The following CNOT3 variants were observed in gnomAD, a reference collection of about 807,000 sequenced individuals.
CNOT3 encodes CCR4-NOT transcription complex subunit 3, also known as CCR4-associated factor 3.
Under a neutral mutation model 89.4 loss-of-function variants are expected in CNOT3, and 2 were observed. That is an observed-to-expected ratio of 0.02 (90% CI 0.01 to 0.07). The LOEUF (loss-of-function observed/expected upper bound fraction) is 0.07. Among genes scored for constraint, CNOT3 ranks in the 10% least tolerant of loss-of-function variants. The probability of loss-of-function intolerance (pLI) is 1.00; values close to 1 mark genes in which losing one functional copy is unlikely to be tolerated. For synonymous variants in CNOT3, 486 were observed against 402.0 expected (o/e 1.21, Z -2.50); for missense variants, 664 against 1,010.2 (o/e 0.66, Z 4.65).
intron 1 of CNOT3, among the ~76,000 whole-genome samples, chr19:54,138,448 G>T (rs73613017): frequency 3.3e-5 from 5 of 152,136 alleles, no homozygotes; most frequent in Non-Finnish European, 5.9e-5. Flanking sequence ...CCTCGGCCTC[G>T]GTCCTTCGCG....
At position 54,144,080 on chromosome 19, in the gene CNOT3, C is replaced by G; in HGVS notation, c.333C>G (p.Ala111=). The G allele has an allele frequency of 6.2e-7, 1 of 1,603,788 alleles. No homozygotes were observed. The highest frequency in any genetic ancestry group is 8.5e-7 in the Non-Finnish European group (1 of 1,177,002). The change falls in exon 6 of 18, where the codon GCC becomes GCG. Residue 111 remains alanine (A), a synonymous_variant. Transcript: ENST00000221232. The surrounding 1 kb of genome is among the most constrained non-coding windows in gnomAD (Gnocchi z 4.8). ...KAYSKEGLGL[A]QKVDPAQKEK... ...ACAGCAAAGAGGGCCTGGGCCTGGCCCAGAAGGTAGATCCTGCCCAGAAGG... is the reference window on the plus strand; with the variant it reads ...ACAGCAAAGAGGGCCTGGGCCTGGCGCAGAAGGTAGATCCTGCCCAGAAGG...
In CNOT3 at chr19:54,146,623, A is replaced by G. The variant is rs370365731; in HGVS notation, c.860A>G (p.Lys287Arg). ...CAGGAAAACTCTGAAGATGATAAGA[A>G]GAGGGGACGTTCCACAGACAGTGAA... ...CTTENSEDDK[K>R]RGRSTDSEVS... The change falls in exon 10 of 18, where the codon AAG (lysine) becomes AGG (arginine). Residue 287 changes from lysine to arginine, a missense_variant. Physicochemically the swap from Lys to Arg is conservative, Grantham distance 26 (BLOSUM62 2). Coordinates refer to ENST00000221232, the MANE Select transcript of CNOT3 (RefSeq NM_014516.4). 8 of 1,565,948 alleles carry G rather than the reference A, an allele frequency of 5.1e-6. No individual in the cohort carries two copies. The highest frequency in any genetic ancestry group is 1.4e-5 in the African/African-American group (1 of 73,850).
chr19:54,148,855 G>T lies in CNOT3; in HGVS notation c.1406+112G>T. On this transcript the variant is annotated intron_variant, in intron 12 of 17. Transcript: ENST00000221232. This position sits in a 1 kb window ranked among gnomAD's most constrained non-coding sequence, Gnocchi z 6.3. Reference sequence around the variant, plus strand: ...CTGAACCCCCCGCCCTTGCTGCTGGGAATGGCCAAGCGCTATCCTCCATCT... The same window carrying T: ...CTGAACCCCCCGCCCTTGCTGCTGGTAATGGCCAAGCGCTATCCTCCATCT... The T allele has an allele frequency of 1.1e-6, 1 of 910,198 alleles. No individual in the cohort carries two copies. The allele number at this position is 910,198 out of a possible 1,614,324, so 56.4% of individuals were successfully genotyped here.
intron 16 of CNOT3, chr19:54,153,222 T>C: frequency 1.3e-6 from 1 of 763,734 alleles, no homozygotes; most frequent in Non-Finnish European, 2.4e-6. Flanking sequence ...GCGAGGCTGG[T>C]CCACTGAGGC....
intron 1 of CNOT3, among the ~76,000 whole-genome samples, chr19:54,139,608 C>T (rs112565890): frequency 1.4e-3 from 209 of 152,236 alleles, no homozygotes; most frequent in Middle Eastern, 0.014. Flanking sequence ...GAGGTGTCCA[C>T]GCCTCTGCAT....
At chr19:54,138,336 A>T (rs2074303493) in intron 1 of CNOT3, among the ~76,000 whole-genome samples, 1 of 151,936 alleles carries the variant, frequency 6.6e-6, no homozygotes, top group African/African-American at 2.4e-5. Flanking sequence ...CCCGGGCGCG[A>T]GGTGCCCGCC....
Position 54,153,762 on chromosome 19 carries a change from A to G in CNOT3, c.2085A>G (p.Ser695=). The change falls in exon 17 of 18, where the codon TCA becomes TCG. Residue 695 remains serine (S), a synonymous_variant. Coordinates refer to ENST00000221232, the MANE Select transcript of CNOT3 (RefSeq NM_014516.4). ...CAGCCAAGGCCCTAAAGAAGCAGTC[A>G]TGGCGATTCCACACCAAGTACATGA... ...YLAAKALKKQ[S]WRFHTKYMMW... 1 of 1,614,068 alleles carries G rather than the reference A, an allele frequency of 6.2e-7. No homozygotes were observed. The highest frequency in any genetic ancestry group is 8.5e-7 in the Non-Finnish European group (1 of 1,179,930).
At position 54,148,807 on chromosome 19, in the gene CNOT3, C is replaced by T. The variant is rs2074858898; in HGVS notation, c.1406+64C>T. 6.5e-7 allele frequency: 1 copy of T among 1,546,674 alleles called. No individual in the cohort carries two copies. The highest frequency in any genetic ancestry group is 1.2e-5 in the South Asian group (1 of 83,244). On this transcript the variant is annotated intron_variant, in intron 12 of 17. Coordinates refer to ENST00000221232, the MANE Select transcript of CNOT3 (RefSeq NM_014516.4). This position sits in a 1 kb window ranked among gnomAD's most constrained non-coding sequence, Gnocchi z 6.3. ...CTTTTGAAACAGAGAGGCGCAGGCG[C>T]CTCACCCCCGCATCGGTGGGTTCTG...
chr19:54,143,433 A>C lies in CNOT3; in HGVS notation c.94-9A>C. The stretch of plus-strand genomic sequence containing the variant: ...CCACACTGACTTCTCAATTCTCTCC[A>C]TCCCTCAGCTCCACAATGCAGCCAA... On this transcript the variant is annotated splice_polypyrimidine_tract_variant and intron_variant, in intron 3 of 17. Transcript: ENST00000221232. 1.2e-6 allele frequency: 2 copies of C among 1,613,862 alleles called. No homozygotes were observed. The highest frequency in any genetic ancestry group is 1.7e-6 in the Non-Finnish European group (2 of 1,179,864).
In CNOT3 at chr19:54,155,662, GAATA is replaced by G; in HGVS notation, c.*260_*263del. ...TATTTTCATTTTGGAAAATATTTATGAATAAATAGTTTTATATGACGGCTGGCAG... is the reference window on the plus strand; with the variant it reads ...TATTTTCATTTTGGAAAATATTTATGAATAGTTTTATATGACGGCTGGCAG... On this transcript the variant is annotated 3_prime_UTR_variant, in exon 18 of 18. Coordinates refer to ENST00000221232, the MANE Select transcript of CNOT3 (RefSeq NM_014516.4). 7.1e-7 allele frequency: 1 copy of G among 1,410,726 alleles called. No individual in the cohort carries two copies. Among genetic ancestry groups the G allele is most frequent in the Non-Finnish European group, 9.7e-7 (1 of 1,035,306 alleles). The allele number at this position is 1,410,726 out of a possible 1,614,324, so 87.4% of individuals were successfully genotyped here.
Position 54,145,929 on chromosome 19 carries a change from C to T in CNOT3, c.723C>T (p.Thr241=). Residue 241 remains threonine, a synonymous_variant, in exon 9 of 18, where the codon ACC becomes ACT. Coordinates refer to ENST00000221232, the MANE Select transcript of CNOT3 (RefSeq NM_014516.4). The surrounding 1 kb of genome is among the most constrained non-coding windows in gnomAD (Gnocchi z 5.9). Reference sequence around the variant, plus strand: ...CCACAGCACAGGCGCTGGTCGCCACCTCCCCCCCCAGCCACAGCCACATGG... The same window carrying T: ...CCACAGCACAGGCGCTGGTCGCCACTTCCCCCCCCAGCCACAGCCACATGG... The part of the protein sequence containing the change: ...LEDIPQALVA[T]SPPSHSHMED... 1 of 1,613,708 alleles carries T rather than the reference C, an allele frequency of 6.2e-7. No individual in the cohort carries two copies. The highest frequency in any genetic ancestry group is 8.5e-7 in the Non-Finnish European group (1 of 1,179,930).
At chr19:54,146,679 G>C in intron 10 of CNOT3, 22 bp downstream of exon 10, 1 of 1,379,100 alleles carries the variant, frequency 7.3e-7, no homozygotes. Context: ...CCTGGACCGG[G>C]TGGGCACGCC....
Position 54,144,224 on chromosome 19 carries a change from C to G in CNOT3, c.388-13C>G, listed in dbSNP as rs757433086. The stretch of plus-strand genomic sequence containing the variant: ...CCTAGCTGATGGGCTTCCTCTTCCT[C>G]TCCCTCCCCTAGAATACCATCGACA... On this transcript the variant is annotated splice_polypyrimidine_tract_variant and intron_variant, in intron 6 of 17. Transcript: ENST00000221232. The surrounding 1 kb of genome is among the most constrained non-coding windows in gnomAD (Gnocchi z 4.8). The G allele has an allele frequency of 1.2e-6, 2 of 1,613,630 alleles. No homozygotes were observed. The highest frequency in any genetic ancestry group is 2.2e-5 in the South Asian group (2 of 91,090).
At chr19:54,153,323 T>A (rs1324161041) in intron 16 of CNOT3, 1 of 761,116 alleles carries the variant, frequency 1.3e-6, no homozygotes, top group Non-Finnish European at 2.4e-6. Context: ...CCGACCCCAC[T>A]CTGCTCATTG....
intron 16 of CNOT3, chr19:54,153,388 A>C: frequency 1.3e-6 from 1 of 762,416 alleles, no homozygotes; most frequent in Admixed American, 1.7e-5. Flanking sequence ...CCCCCTCCCA[A>C]CCCCAGTGAG....
At position 54,152,503 on chromosome 19, in the gene CNOT3, C is replaced by T. The variant is rs2075175945; in HGVS notation, c.1781C>T (p.Pro594Leu). The T allele has an allele frequency of 2.5e-6, 4 of 1,614,202 alleles. No individual in the cohort carries two copies. The highest frequency in any genetic ancestry group is 3.4e-6 in the Non-Finnish European group (4 of 1,180,038). ...PPLQLSEVNI[P>L]LSLGVCPLGP... is the part of the protein sequence containing the mutation. ...CTGCAGCTGTCAGAGGTGAACATAC[C>T]GCTGTCGCTGGGTGTCTGTCCACTG... Residue 594 changes from proline (P) to leucine (L), a missense_variant, in exon 15 of 18, where the codon CCG becomes CTG. Transcript: ENST00000221232.
At chr19:54,151,620 G>A (rs1394195973) in intron 13 of CNOT3, among the ~76,000 whole-genome samples, 3 of 152,194 alleles carry the variant, frequency 2.0e-5, no homozygotes, top group Non-Finnish European at 2.9e-5. Flanking sequence ...GAGGAGATGG[G>A]AGGAACCAGC....
At position 54,144,350 on chromosome 19, in the gene CNOT3, G is replaced by A. The variant is rs36632; in HGVS notation, c.483+18G>A. 6.9e-6 allele frequency: 11 copies of A among 1,587,936 alleles called. No homozygotes were observed. The highest frequency in any genetic ancestry group is 5.4e-5 in the African/African-American group (4 of 74,344). ...ACAAGGATGTGAGTGAGGGAGACCC[G>A]ACACCTTTGGGATGGGGATGGGCAT... On this transcript the variant is annotated intron_variant, in intron 7 of 17. Coordinates refer to ENST00000221232, the MANE Select transcript of CNOT3 (RefSeq NM_014516.4). This position sits in a 1 kb window ranked among gnomAD's most constrained non-coding sequence, Gnocchi z 4.8.
In CNOT3 at chr19:54,151,086, C is replaced by T. The variant is rs960826305; in HGVS notation, c.1606-1140C>T. 3.5e-4 allele frequency among the ~76,000 whole-genome samples: 53 copies of T among 152,270 alleles called. No individual in the cohort carries two copies. The Middle Eastern group carries it at 0.014, about 39-fold the overall frequency. Reference sequence around the variant, plus strand: ...GATTACAGGTGTGAGCCACCGTGCCCGGCCCAAATTTTAGAAGTAGGTGGA... The same window carrying T: ...GATTACAGGTGTGAGCCACCGTGCCTGGCCCAAATTTTAGAAGTAGGTGGA... On this transcript the variant is annotated intron_variant, in intron 13 of 17. Coordinates refer to ENST00000221232, the MANE Select transcript of CNOT3 (RefSeq NM_014516.4).
Sources: allele counts gnomAD v4.1 joint callset (sites outside exome capture counted in the v4.1 genomes callset), GRCh38; gene constraint gnomAD v4.1.1; non-coding constraint Gnocchi (gnomAD v3.1); transcripts MANE v1.5; gene names NCBI Gene and HGNC (gene_info 2026-07-23, HGNC 2026-07-21).